PTPRG: variants seen among roughly 807,000 people sequenced by gnomAD.
The protein encoded by PTPRG is receptor-type tyrosine-protein phosphatase gamma.
A neutral mutation model predicts 165.3 loss-of-function variants in PTPRG; 102 were observed. The ratio of observed to expected loss-of-function variants is 0.62; its 90% confidence interval spans 0.53 to 0.73. The LOEUF is 0.73. Ranked by LOEUF, PTPRG falls within the 30% of genes least tolerant of loss-of-function variation. The probability of loss-of-function intolerance (pLI) is 0.00; values close to 1 mark genes in which losing one functional copy is unlikely to be tolerated. For missense variants in PTPRG, 1,866 were observed against 1,861.4 expected (o/e 1.00, Z -0.05); for synonymous variants, 675 against 669.5 (o/e 1.01, Z -0.13).
chr3:62,017,852 A>G (rs114496746), intron 4 of PTPRG, among the ~76,000 whole-genome samples: 166 of 152,332 alleles, frequency 1.1e-3, no homozygotes, highest in African/African-American at 3.8e-3. Context: ...AGCTGTTAAT[A>G]TGTACATGAG....
At chr3:61,931,546 G>T (rs752059517) in intron 2 of PTPRG, among the ~76,000 whole-genome samples, 6 of 152,126 alleles carry the variant, frequency 3.9e-5, no homozygotes, top group Non-Finnish European at 8.8e-5. Context: ...TGTGTGTCCC[G>T]GGCCCAAATG....
rs537842738 is a variant in PTPRG at position 61,858,034 on chromosome 3, C to T, written c.190+109052C>T. ...TGCAGAATCCCGCCTGTATGAGAAC[C>T]ACTGGCTTAAACTGATACATGTTTT... On this transcript the variant is annotated intron_variant, in intron 2 of 29. Transcript: ENST00000474889. 4.3e-4 allele frequency among the ~76,000 whole-genome samples: 65 copies of T among 152,282 alleles called. 1 individual carries two copies. The South Asian group carries it at 0.013, about 31-fold the overall frequency.
intron 2 of PTPRG, among the ~76,000 whole-genome samples, chr3:61,955,870 C>T (rs956054888): frequency 6.6e-6 from 1 of 152,032 alleles, no homozygotes; most frequent in Admixed American, 6.6e-5. Context: ...AATAAAAATA[C>T]TTTGTTTCAT....
At chr3:61,676,281 C>T (rs761963657) in intron 1 of PTPRG, among the ~76,000 whole-genome samples, 4 of 151,204 alleles carry the variant, frequency 2.6e-5, no homozygotes, top group Non-Finnish European at 4.4e-5. Context: ...CACGGTGAAA[C>T]CCCGTCTCTA....
At chr3:62,115,921 G>A (rs530513955) in intron 5 of PTPRG, among the ~76,000 whole-genome samples, 14 of 152,272 alleles carry the variant, frequency 9.2e-5, no homozygotes, top group East Asian at 1.9e-4. Context: ...TTAATTTGCC[G>A]GTCAAGGTTT....
chr3:61,691,703 T>C (rs1027406846), intron 1 of PTPRG, among the ~76,000 whole-genome samples: 3 of 152,308 alleles, frequency 2.0e-5, no homozygotes, highest in Admixed American at 2.0e-4. Context: ...TTGGAAAATA[T>C]CCCAGCAACG....
At chr3:61,748,203 G>A (rs2033286997) in intron 1 of PTPRG, among the ~76,000 whole-genome samples, 1 of 152,204 alleles carries the variant, frequency 6.6e-6, no homozygotes, top group African/African-American at 2.4e-5. Context: ...TGGCCCAAAG[G>A]ATGTGGAAGA....
chr3:61,633,005 A>C (rs984339849), intron 1 of PTPRG, among the ~76,000 whole-genome samples: 2 of 152,178 alleles, frequency 1.3e-5, no homozygotes, highest in African/African-American at 2.4e-5. Context: ...CTGTTCAGTT[A>C]CACAGAAAGA....
intron 1 of PTPRG, among the ~76,000 whole-genome samples, chr3:61,720,306 G>A (rs865829069): frequency 9.9e-5 from 15 of 151,928 alleles, no homozygotes; most frequent in African/African-American, 3.4e-4. Context: ...GTATTTTTAG[G>A]AGAGGTGGGG....
intron 2 of PTPRG, among the ~76,000 whole-genome samples, chr3:61,942,442 C>T (rs773419048): frequency 5.3e-5 from 8 of 152,204 alleles, no homozygotes; most frequent in Non-Finnish European, 7.3e-5. Context: ...TGTGAGTGTA[C>T]CCCATGGCCC....
At chr3:61,978,140 C>G (rs954117773) in intron 2 of PTPRG, among the ~76,000 whole-genome samples, 2 of 152,194 alleles carry the variant, frequency 1.3e-5, no homozygotes, top group Non-Finnish European at 2.9e-5. Context: ...GTGTAAGCCA[C>G]CATGCCTGAC....
intron 1 of PTPRG, among the ~76,000 whole-genome samples, chr3:61,615,958 G>C (rs1198495337): frequency 6.6e-6 from 1 of 152,120 alleles, no homozygotes; most frequent in Non-Finnish European, 1.5e-5. Context: ...TTATTTGTTT[G>C]TTTGTTTGTT....
Position 62,036,089 on chromosome 3 carries a change from G to A in PTPRG, c.519+32592G>A, listed in dbSNP as rs189958720. ...CTGCCACTGTGGAGCTTCTATTCTAGCAAGGGGTAGACAGATACAAAAACA... is the reference window on the plus strand; with the variant it reads ...CTGCCACTGTGGAGCTTCTATTCTAACAAGGGGTAGACAGATACAAAAACA... On this transcript the variant is annotated intron_variant, in intron 4 of 29. Transcript: ENST00000474889. Among the ~76,000 whole-genome samples, 172 of 151,058 alleles carry A rather than the reference G, an allele frequency of 1.1e-3. 1 individual carries two copies. Among genetic ancestry groups the A allele is most frequent in the African/African-American group, 3.9e-3 (162 of 41,142 alleles).
rs139041779 is a variant in PTPRG at position 62,195,119 on chromosome 3, G to A, written c.1276G>A (p.Val426Met). 8.5e-5 allele frequency: 138 copies of A among 1,614,088 alleles called. No homozygotes were observed. Among genetic ancestry groups the A allele is most frequent in the Non-Finnish European group, 1.1e-4 (130 of 1,180,054 alleles). ...DSLYLFRVQA[V>M]CRNDMRSDFS... Reference sequence around the variant, plus strand: ...CCTTTACCTGTTCCGAGTCCAGGCCGTGTGTCGGAACGACATGCGCAGCGA... The same window carrying A: ...CCTTTACCTGTTCCGAGTCCAGGCCATGTGTCGGAACGACATGCGCAGCGA... The change falls in exon 10 of 30, where the codon GTG (valine) becomes ATG (methionine). Residue 426 changes from valine (V) to methionine (M), a missense_variant. By Grantham distance (21) the Val-to-Met change is conservative. Coordinates refer to ENST00000474889, the MANE Select transcript of PTPRG (RefSeq NM_002841.4). The surrounding 1 kb of genome is among the most constrained non-coding windows in gnomAD (Gnocchi z 4.4).
At chr3:62,087,461 T>G (rs1261984258) in intron 5 of PTPRG, among the ~76,000 whole-genome samples, 2 of 152,218 alleles carry the variant, frequency 1.3e-5, no homozygotes, top group South Asian at 4.1e-4. Context: ...CAAACACCAC[T>G]AATAAAAGTT....
intron 2 of PTPRG, among the ~76,000 whole-genome samples, chr3:61,952,354 A>G (rs1413098592): frequency 6.6e-6 from 1 of 152,022 alleles, no homozygotes; most frequent in Admixed American, 6.6e-5. Context: ...ACAAGCCATT[A>G]TTTTATCCAC....
intron 1 of PTPRG, among the ~76,000 whole-genome samples, chr3:61,738,433 ATTTC>A (rs1353855437): frequency 6.6e-6 from 1 of 150,968 alleles, no homozygotes; most frequent in Non-Finnish European, 1.5e-5. Flanking sequence ...TAAAAGGCCT[ATTTC>A]TTTCAAATAC....
chr3:61,930,734 C>A (rs747404969), intron 2 of PTPRG, among the ~76,000 whole-genome samples: 1 of 152,152 alleles, frequency 6.6e-6, no homozygotes, highest in East Asian at 1.9e-4. Flanking sequence ...GGTAATTATG[C>A]TGTCGAACCA....
intron 1 of PTPRG, among the ~76,000 whole-genome samples, chr3:61,690,014 A>C (rs1286227703): frequency 6.6e-6 from 1 of 152,200 alleles, no homozygotes; most frequent in Non-Finnish European, 1.5e-5. Context: ...GACCATCAGC[A>C]AGGGCCATAC....
Sources: allele counts gnomAD v4.1 joint callset (sites outside exome capture counted in the v4.1 genomes callset), GRCh38; gene constraint gnomAD v4.1.1; non-coding constraint Gnocchi (gnomAD v3.1); transcripts MANE v1.5; gene names NCBI Gene and HGNC (gene_info 2026-07-23, HGNC 2026-07-21).